Variants in TNS3 observed in about 807,000 individuals in gnomAD.
TNS3 encodes tensin-3.
In TNS3, 45 loss-of-function variants were observed where a neutral mutation model predicts 140.9. The ratio of observed to expected loss-of-function variants is 0.32; its 90% CI spans 0.25 to 0.41. The LOEUF is 0.41. TNS3 is among the 10% of genes least tolerant of loss of function. The pLI is 1.00. For synonymous variants in TNS3, 815 were observed against 788.4 expected, an observed-to-expected ratio of 1.03 and a Z score of -0.56; for missense variants, 1,716 against 1,906.7, an observed-to-expected ratio of 0.90 and a Z score of 1.86.
At position 47,397,855 on chromosome 7, in the gene TNS3, T is replaced by C. The variant is rs377016672; in HGVS notation, c.920-951A>G. On this transcript the variant is annotated intron_variant, in intron 15 of 30. Transcript: ENST00000311160. The stretch of plus-strand genomic sequence containing the variant: ...AAAATCAGTGCAGAACTAAATGAAA[T>C]TGAAACAAAATACAAAAGATCAATG... Among the ~76,000 whole-genome samples, 829 of 152,044 alleles carry C rather than the reference T, an allele frequency of 5.5e-3. 9 individuals are homozygous for C. The highest frequency in any genetic ancestry group is 0.019 in the African/African-American group (785 of 41,472).
intron 3 of TNS3, among the ~76,000 whole-genome samples, chr7:47,490,941 G>A (rs1188197519): frequency 6.6e-6 from 1 of 152,214 alleles, no homozygotes. Flanking sequence ...ATCCTTCAGT[G>A]CTCTGTGTCG....
At chr7:47,294,834 G>A (rs1016739005) in intron 24 of TNS3, among the ~76,000 whole-genome samples, 1 of 152,228 alleles carries the variant, frequency 6.6e-6, no homozygotes, top group African/African-American at 2.4e-5. Context: ...TTCAGTTGTG[G>A]GAAGAAAATG....
chr7:47,283,486 A>C (rs1191086248), intron 28 of TNS3, among the ~76,000 whole-genome samples: 2 of 152,240 alleles, frequency 1.3e-5, no homozygotes, highest in African/African-American at 4.8e-5. Context: ...ATTTCTAAGA[A>C]AAATAGCCTT....
At chr7:47,444,295 T>A (rs1457836842) in intron 4 of TNS3, among the ~76,000 whole-genome samples, 2 of 152,136 alleles carry the variant, frequency 1.3e-5, no homozygotes, top group Non-Finnish European at 2.9e-5. Flanking sequence ...ATACAGTGAC[T>A]CCCATTGCAA....
chr7:47,389,184 CAGAAGAAGA>C lies in TNS3; in HGVS notation c.1024+7607_1024+7615del, dbSNP rs145260005. ...GAAGAAGCAGCAGAAGCAGAAGAAG[CAGAAGAAGA>C]AGAAGAAGAAGAAGAGGGAGAAGAC... On this transcript the variant is annotated intron_variant, in intron 16 of 30. Coordinates refer to ENST00000311160, the MANE Select transcript of TNS3 (RefSeq NM_022748.12). Among the ~76,000 whole-genome samples, 15 of 75,564 alleles carry C rather than the reference CAGAAGAAGA, an allele frequency of 2.0e-4. 1 individual carries two copies. Among genetic ancestry groups the C allele is most frequent in the African/African-American group, 7.0e-4 (15 of 21,444 alleles). The allele number at this position is 75,564 out of a possible 152,430, so 49.6% of individuals were successfully genotyped here.
intron 17 of TNS3, among the ~76,000 whole-genome samples, chr7:47,361,085 AC>A (rs562537922): frequency 5.0e-4 from 75 of 149,992 alleles, no homozygotes; most frequent in African/African-American, 1.8e-3. Flanking sequence ...GGCCAATGCC[AC>A]CCCATGGAAC....
chr7:47,372,933 T>C (rs1311898451), intron 16 of TNS3, among the ~76,000 whole-genome samples: 2 of 152,170 alleles, frequency 1.3e-5, no homozygotes, highest in Non-Finnish European at 2.9e-5. Context: ...ATAGGACTGG[T>C]CAAGCTTCTG....
intron 20 of TNS3, among the ~76,000 whole-genome samples, chr7:47,306,555 T>G (rs1259498893): frequency 6.6e-6 from 1 of 152,080 alleles, no homozygotes; most frequent in African/African-American, 2.4e-5. Flanking sequence ...GCACGAATTC[T>G]TTTCCTAAGG....
chr7:47,396,357 A>G (rs2462637), intron 16 of TNS3, among the ~76,000 whole-genome samples: 126,324 of 152,200 alleles, frequency 0.83, 53,798 homozygotes, highest in Non-Finnish European at 0.92. Context: ...GCCATAAATC[A>G]GGAACACTAG....
At chr7:47,414,848 A>C (rs1340286915) in intron 11 of TNS3, among the ~76,000 whole-genome samples, 1 of 152,190 alleles carries the variant, frequency 6.6e-6, no homozygotes, top group Admixed American at 6.5e-5. Context: ...GTGCATATAC[A>C]CAGGGGTATT....
chr7:47,420,846 A>T (rs1205477187), intron 10 of TNS3, among the ~76,000 whole-genome samples: 3 of 152,234 alleles, frequency 2.0e-5, no homozygotes, highest in Non-Finnish European at 4.4e-5. Context: ...AGGTTCCTGC[A>T]GACCCTTATG....
chr7:47,494,339 C>A (rs1225124162), intron 3 of TNS3, among the ~76,000 whole-genome samples: 1 of 152,000 alleles, frequency 6.6e-6, no homozygotes, highest in East Asian at 1.9e-4. Context: ...AGCTTTCTAA[C>A]CAACCTCCTG....
intron 17 of TNS3, among the ~76,000 whole-genome samples, chr7:47,357,562 G>T (rs1450693949): frequency 6.6e-6 from 1 of 152,168 alleles, no homozygotes; most frequent in Non-Finnish European, 1.5e-5. Flanking sequence ...TAGCCTTAAA[G>T]AGCCGCACAA....
chr7:47,329,171 A>T (rs2150902840), intron 20 of TNS3, among the ~76,000 whole-genome samples: 1 of 152,274 alleles, frequency 6.6e-6, no homozygotes, highest in South Asian at 2.1e-4. Flanking sequence ...TCTGGGCCTT[A>T]GAGACACGGT....
intron 1 of TNS3, among the ~76,000 whole-genome samples, chr7:47,559,494 C>T (rs76204525): frequency 6.6e-6 from 1 of 152,190 alleles, no homozygotes; most frequent in African/African-American, 2.4e-5. Flanking sequence ...GTTCCAAGAA[C>T]TTTCTGGTGC....
At chr7:47,416,430 AG>A (rs1794085130) in intron 10 of TNS3, among the ~76,000 whole-genome samples, 1 of 152,262 alleles carries the variant, frequency 6.6e-6, no homozygotes, top group African/African-American at 2.4e-5. Context: ...TTAACAAAAA[AG>A]GAAAGCCCTA....
chr7:47,278,166 G>T lies in TNS3; in HGVS notation c.4248C>A (p.His1416Gln). Residue 1416 changes from histidine to glutamine, a missense_variant, in exon 31 of 31, where the codon CAC becomes CAA. His to Gln is a conservative substitution (Grantham distance 24, BLOSUM62 0). This residue lies in a region of TNS3 where 216 missense variants were observed against 295.7 expected (regional missense o/e 0.73). Transcript: ENST00000311160. Reference sequence around the variant, plus strand: ...GCTCAGGGTCATGCTCTGCAAACAGGTGGCACACATTATCCGTGGCACTGC... The same window carrying T: ...GCTCAGGGTCATGCTCTGCAAACAGTTGGCACACATTATCCGTGGCACTGC... ...KQGSATDNVC[H>Q]LFAEHDPEQP... is the part of the protein sequence containing the mutation. 6.2e-7 allele frequency: 1 copy of T among 1,614,184 alleles called. No homozygotes were observed. The highest frequency in any genetic ancestry group is 1.1e-5 in the South Asian group (1 of 91,080).
intron 17 of TNS3, among the ~76,000 whole-genome samples, chr7:47,356,204 T>C (rs1224957008): frequency 1.3e-5 from 2 of 152,188 alleles, no homozygotes; most frequent in African/African-American, 4.8e-5. Context: ...ACTGCAAATA[T>C]ACAACAGTGG....
rs183960634 is a variant in TNS3, at chr7:47,361,177, C to T, written c.2281+7188G>A. Among the ~76,000 whole-genome samples, 4 of 115,132 alleles carry T rather than the reference C, an allele frequency of 3.5e-5. No individual in the cohort carries two copies. The East Asian group carries it at 9.8e-4, about 28-fold the overall frequency. 75.5% of individuals were successfully genotyped at this position (115,132 alleles called of 152,430 possible). A position where few individuals can be genotyped will look rare whatever the true frequency, so the allele number is the denominator to read the frequency against. ...CAGGCTCAGTGCACCTTCTCAGTGC[C>T]TTCTCTTCTGGTAAGACAGTAACCA... On this transcript the variant is annotated intron_variant, in intron 17 of 30. Transcript: ENST00000311160.
Sources: allele counts gnomAD v4.1 joint callset (sites outside exome capture counted in the v4.1 genomes callset), GRCh38; gene constraint gnomAD v4.1.1; regional missense constraint gnomAD v4.1.1; transcripts MANE v1.5; gene names NCBI Gene and HGNC (gene_info 2026-07-23, HGNC 2026-07-21).